GALNT14: variants seen among roughly 807,000 people sequenced by gnomAD.
GALNT14 encodes UDP-GalNAc:polypeptide N-acetylgalactosaminyltransferase 14.
In GALNT14, 60 loss-of-function variants were observed where a neutral mutation model predicts 77.5. The observed-to-expected ratio is 0.77, with a 90% CI of 0.63 to 0.96. The LOEUF is 0.96. Ranked by LOEUF, GALNT14 falls within the 40% of genes least tolerant of loss-of-function variation. The pLI is 0.00. For missense variants in GALNT14, 710 were observed against 731.0 expected (o/e 0.97, Z 0.33); for synonymous variants, 280 against 281.7 (o/e 0.99, Z 0.06).
chr2:31,095,028 A>T (rs1263885418), intron 1 of GALNT14, among the ~76,000 whole-genome samples: 1 of 152,222 alleles, frequency 6.6e-6, no homozygotes, highest in Non-Finnish European at 1.5e-5. Context: ...GAGTGAAGTC[A>T]ATGAACATAT....
chr2:31,032,749 C>A (rs1432451911), intron 1 of GALNT14, among the ~76,000 whole-genome samples: 1 of 152,152 alleles, frequency 6.6e-6, no homozygotes, highest in Non-Finnish European at 1.5e-5. Flanking sequence ...GTCAACTGCG[C>A]AGTACTGCTG....
chr2:31,030,839 C>G (rs1672360890), intron 1 of GALNT14, among the ~76,000 whole-genome samples: 1 of 152,212 alleles, frequency 6.6e-6, no homozygotes, highest in African/African-American at 2.4e-5. Context: ...CAGCATCTCT[C>G]ACAGCCTAGA....
At chr2:31,014,929 T>C (rs1362275785) in intron 1 of GALNT14, among the ~76,000 whole-genome samples, 5 of 151,932 alleles carry the variant, frequency 3.3e-5, no homozygotes, top group South Asian at 4.2e-4. Context: ...AGGGAATGCA[T>C]AAAGGAGGGA....
chr2:30,955,760 C>G lies in GALNT14; in HGVS notation c.533-21G>C, dbSNP rs201974341. ...CAGACCTGCAGTCAGGAACAAATGA[C>G]GAAGTGGGTGCCACTGTCACTCCAT... On this transcript the variant is annotated intron_variant, in intron 5 of 14. Transcript: ENST00000349752. 122 of 1,613,408 alleles carry G rather than the reference C, an allele frequency of 7.6e-5. No homozygotes were observed. In the African/African-American group the frequency reaches 1.4e-3, roughly 19 times the overall value.
At chr2:30,948,804 C>A (rs1038056195) in intron 6 of GALNT14, among the ~76,000 whole-genome samples, 5 of 152,108 alleles carry the variant, frequency 3.3e-5, no homozygotes, top group African/African-American at 1.2e-4. Flanking sequence ...GTCTTGGGGA[C>A]CCCCAGACTG....
In GALNT14 at chr2:30,910,961, G is replaced by A. The variant is rs774070861; in HGVS notation, c.1599C>T (p.Ile533=). Reference sequence around the variant, plus strand: ...GTGAGGACTCACATGGGTTGACGACGATTTCCTTGCCGTTCTCGGTGCCAT... The same window carrying A: ...GTGAGGACTCACATGGGTTGACGACAATTTCCTTGCCGTTCTCGGTGCCAT... The part of the protein sequence containing the change: ...FGDGTENGKE[I]VVNPCESSLM... The change falls in exon 15 of 15, where the codon ATC becomes ATT. Residue 533 remains isoleucine (I), a synonymous_variant. Transcript: ENST00000349752. 1.2e-5 allele frequency: 19 copies of A among 1,613,852 alleles called. No individual in the cohort carries two copies. The Admixed American group carries it at 2.2e-4, about 18-fold the overall frequency.
At chr2:30,956,567 C>T (rs1054982204) in intron 4 of GALNT14, among the ~76,000 whole-genome samples, 2 of 152,132 alleles carry the variant, frequency 1.3e-5, no homozygotes, top group Non-Finnish European at 2.9e-5. Flanking sequence ...AGTTCAGTGG[C>T]GCAATCTCTG....
At chr2:30,940,712 T>C (rs1435353951) in intron 9 of GALNT14, among the ~76,000 whole-genome samples, 5 of 152,134 alleles carry the variant, frequency 3.3e-5, no homozygotes, top group Non-Finnish European at 5.9e-5. Flanking sequence ...CCTACCCCAC[T>C]GAGAACACCA....
At chr2:30,894,726 GGTCTGTAT>G in the GALNT14 span, among the ~76,000 whole-genome samples, 1 of 152,198 alleles carries the variant, frequency 6.6e-6, no homozygotes, top group Admixed American at 6.5e-5. Flanking sequence ...AAGCTGCCTT[GGTCTGTAT>G]GTCTTGAAGC....
intron 1 of GALNT14, among the ~76,000 whole-genome samples, chr2:31,072,265 A>T (rs74175094): frequency 0.2 from 16,088 of 81,720 alleles, 1,224 homozygotes; most frequent in Admixed American, 0.32. Context: ...TCTCTCTCTC[A>T]CACACACACA....
At chr2:30,986,726 C>A (rs3821342) in intron 2 of GALNT14, among the ~76,000 whole-genome samples, 6 of 152,092 alleles carry the variant, frequency 3.9e-5, no homozygotes, top group African/African-American at 1.4e-4. Context: ...GAAGTTGTCT[C>A]TTCCTTACAG....
intron 1 of GALNT14, among the ~76,000 whole-genome samples, chr2:31,054,486 T>A: frequency 6.6e-6 from 1 of 152,160 alleles, no homozygotes; most frequent in East Asian, 1.9e-4. Context: ...TCATCTGTCC[T>A]CCACTGAGAG....
At chr2:30,952,062 T>C (rs1241444524) in intron 6 of GALNT14, among the ~76,000 whole-genome samples, 1 of 152,232 alleles carries the variant, frequency 6.6e-6, no homozygotes, top group Admixed American at 6.5e-5. Flanking sequence ...ACAACGCATC[T>C]GCCATTCTCT....
At chr2:31,100,438 T>C (rs1221934689) in intron 1 of GALNT14, among the ~76,000 whole-genome samples, 1 of 152,064 alleles carries the variant, frequency 6.6e-6, no homozygotes. Context: ...ATGGAATTCT[T>C]TTATTGTTTG....
chr2:31,016,780 C>G (rs1375247461), intron 1 of GALNT14, among the ~76,000 whole-genome samples: 1 of 152,200 alleles, frequency 6.6e-6, no homozygotes, highest in South Asian at 2.1e-4. Flanking sequence ...CCCCGCCTGC[C>G]CTGTCTTGCT....
intron 2 of GALNT14, among the ~76,000 whole-genome samples, chr2:30,983,423 C>T (rs1283080127): frequency 6.6e-6 from 1 of 152,168 alleles, no homozygotes; most frequent in Admixed American, 6.5e-5. Context: ...AGTTTTCCAT[C>T]CTGGGCATTG....
intron 1 of GALNT14, among the ~76,000 whole-genome samples, chr2:31,028,197 G>A (rs898376835): frequency 6.6e-6 from 1 of 152,168 alleles, no homozygotes; most frequent in African/African-American, 2.4e-5. Context: ...CTCAGGTGAG[G>A]TTGCTTGGCT....
intron 1 of GALNT14, among the ~76,000 whole-genome samples, chr2:31,019,134 T>G (rs1671561280): frequency 6.6e-6 from 1 of 152,094 alleles, no homozygotes; most frequent in African/African-American, 2.4e-5. Flanking sequence ...AGACTTCAAC[T>G]CAGGGCTCCT....
the GALNT14 span, among the ~76,000 whole-genome samples, chr2:30,890,303 A>G: frequency 6.6e-6 from 1 of 152,202 alleles, no homozygotes; most frequent in Non-Finnish European, 1.5e-5. Context: ...GCAGTGGGAC[A>G]TACTGAGAAA....
Sources: gnomAD v4.1 joint callset for allele counts (sites outside exome capture counted in the v4.1 genomes callset) on GRCh38, gnomAD v4.1.1 for gene constraint, MANE v1.5 for transcripts, NCBI Gene and HGNC (gene_info 2026-07-23, HGNC 2026-07-21) for gene names.